Variants in MEMO1 observed in about 807,000 individuals in gnomAD.
MEMO1 encodes the protein protein MEMO1.
MEMO1 carries 6 observed loss-of-function variants against 45.2 expected under a neutral mutation model. The observed-to-expected ratio is 0.13, with a 90% CI of 0.07 to 0.26. MEMO1 has a LOEUF of 0.26. MEMO1 is among the 10% of genes least tolerant of loss of function. The pLI, the probability that MEMO1 is intolerant of heterozygous loss-of-function variation, is 1.00. For missense variants in MEMO1, 184 were observed against 370.5 expected (o/e 0.50, Z 4.13); for synonymous variants, 78 against 124.3 (o/e 0.63, Z 2.48).
At chr2:32,004,475 A>G (rs777581478) in intron 2 of MEMO1, among the ~76,000 whole-genome samples, 5 of 152,190 alleles carry the variant, frequency 3.3e-5, no homozygotes, top group Non-Finnish European at 7.3e-5. Context: ...ACACTACAAT[A>G]TCACTACACA....
chr2:31,917,290 C>T (rs761149726), intron 6 of MEMO1, among the ~76,000 whole-genome samples: 6 of 152,216 alleles, frequency 3.9e-5, no homozygotes, highest in Non-Finnish European at 7.4e-5. Flanking sequence ...AAATGTTTCA[C>T]TAAAAGAAGA....
chr2:31,884,464 T>C (rs530936036), intron 7 of MEMO1, among the ~76,000 whole-genome samples: 1 of 152,320 alleles, frequency 6.6e-6, no homozygotes, highest in East Asian at 1.9e-4. Flanking sequence ...CAGAGCAATG[T>C]TGATATATCC....
chr2:31,906,425 G>C (rs539293368), intron 6 of MEMO1, among the ~76,000 whole-genome samples: 1 of 152,084 alleles, frequency 6.6e-6, no homozygotes, highest in South Asian at 2.1e-4. Context: ...CCAAGTTCAA[G>C]CGATTCTCCT....
At chr2:31,958,036 G>C (rs1667596983) in intron 2 of MEMO1, among the ~76,000 whole-genome samples, 1 of 152,164 alleles carries the variant, frequency 6.6e-6, no homozygotes, top group Non-Finnish European at 1.5e-5. Flanking sequence ...CAAGAAACAT[G>C]TCTACTGTGG....
chr2:31,969,457 CAT>C (rs1054921534), intron 2 of MEMO1, among the ~76,000 whole-genome samples: 23 of 150,896 alleles, frequency 1.5e-4, no homozygotes, highest in Non-Finnish European at 2.5e-4. Flanking sequence ...ATATATCACA[CAT>C]ATGTGTATAA....
chr2:31,964,089 G>C (rs1163930684), intron 2 of MEMO1, among the ~76,000 whole-genome samples: 2 of 152,018 alleles, frequency 1.3e-5, no homozygotes. Context: ...TAAATTTATG[G>C]CTTACGTTAT....
intron 2 of MEMO1, among the ~76,000 whole-genome samples, chr2:31,945,595 T>A (rs1433624236): frequency 1.3e-5 from 2 of 152,332 alleles, no homozygotes; most frequent in East Asian, 1.9e-4. Context: ...GAGATGTATG[T>A]AAATCTTTGT....
intron 6 of MEMO1, among the ~76,000 whole-genome samples, chr2:31,913,321 T>C (rs1002745469): frequency 7.1e-6 from 1 of 140,020 alleles, no homozygotes; most frequent in Non-Finnish European, 1.5e-5. Context: ...AAATACAAAA[T>C]GTGGTTTATA....
At chr2:32,009,688 G>A (rs1027034449) in intron 2 of MEMO1, among the ~76,000 whole-genome samples, 2 of 152,124 alleles carry the variant, frequency 1.3e-5, no homozygotes, top group East Asian at 1.9e-4. Flanking sequence ...CAGCGGGGAG[G>A]GCAGGGAAGA....
intron 2 of MEMO1, among the ~76,000 whole-genome samples, chr2:31,982,789 T>A (rs556209650): frequency 4.6e-5 from 7 of 151,990 alleles, no homozygotes; most frequent in Admixed American, 3.3e-4. Context: ...TATACTGGCA[T>A]TGAACAAATA....
chr2:31,953,402 T>G (rs1036655085), intron 2 of MEMO1, among the ~76,000 whole-genome samples: 5 of 151,524 alleles, frequency 3.3e-5, no homozygotes, highest in Admixed American at 6.6e-5. Flanking sequence ...TATTTCCTTT[T>G]GAGATTCTCA....
chr2:32,002,168 A>AAAAAAAAAAAT (rs1553383012), intron 2 of MEMO1, among the ~76,000 whole-genome samples: 1 of 74,900 alleles, frequency 1.3e-5, no homozygotes, highest in Non-Finnish European at 2.4e-5. Context: ...AAAAAAAAAA[A>AAAAAAAAAAAT]ATATATATAT....
intron 2 of MEMO1, among the ~76,000 whole-genome samples, chr2:31,958,634 T>C (rs2148397683): frequency 6.6e-6 from 1 of 151,638 alleles, no homozygotes; most frequent in African/African-American, 2.4e-5. Flanking sequence ...CTGTGTGTGG[T>C]GTTTTGTTTT....
At chr2:31,881,326 C>T (rs1268673610) in intron 8 of MEMO1, among the ~76,000 whole-genome samples, 1 of 150,900 alleles carries the variant, frequency 6.6e-6, no homozygotes, top group Non-Finnish European at 1.5e-5. Flanking sequence ...CTCGTCTCTA[C>T]AAAAAACTAC....
intron 2 of MEMO1, among the ~76,000 whole-genome samples, chr2:31,963,960 T>C (rs574294877): frequency 1.3e-5 from 2 of 152,344 alleles, no homozygotes; most frequent in African/African-American, 4.8e-5. Context: ...GATTATATGT[T>C]GAAATAATAA....
chr2:31,940,952 C>G (rs1266928054), intron 3 of MEMO1, among the ~76,000 whole-genome samples: 2 of 152,198 alleles, frequency 1.3e-5, no homozygotes, highest in African/African-American at 4.8e-5. Context: ...ACTATGTCAT[C>G]TCTTTTCTAT....
chr2:31,976,791 A>G (rs1670054221), intron 2 of MEMO1, among the ~76,000 whole-genome samples: 1 of 152,180 alleles, frequency 6.6e-6, no homozygotes, highest in African/African-American at 2.4e-5. Context: ...ATTTCAAGCA[A>G]GAGTATATAT....
intron 8 of MEMO1, among the ~76,000 whole-genome samples, chr2:31,875,573 T>A (rs1674433794): frequency 6.6e-6 from 1 of 152,192 alleles, no homozygotes; most frequent in African/African-American, 2.4e-5. Flanking sequence ...CTCTTATTTC[T>A]GAAAAGATCT....
chr2:31,906,355 G>A (rs192502927), intron 6 of MEMO1, among the ~76,000 whole-genome samples: 309 of 146,894 alleles, frequency 2.1e-3, no homozygotes, highest in African/African-American at 7.1e-3. Context: ...ATAGAGTCTC[G>A]CCCTGTCGCC....
Sources: allele counts gnomAD v4.1 joint callset (sites outside exome capture counted in the v4.1 genomes callset), GRCh38; gene constraint gnomAD v4.1.1; transcripts MANE v1.5; gene names NCBI Gene and HGNC (gene_info 2026-07-23, HGNC 2026-07-21).